The following WWOX variants were observed in gnomAD, a reference collection of about 807,000 sequenced individuals.
WWOX encodes WW domain-containing oxidoreductase.
In WWOX, 69 loss-of-function variants were observed where a neutral mutation model predicts 46.2. The ratio of observed to expected loss-of-function variants is 1.49; its 90% CI spans 1.23 to 1.82. The LOEUF is 1.82. WWOX is among the 40% of genes most tolerant of loss of function. WWOX has a pLI of 0.00. For synonymous variants in WWOX, 359 were observed against 202.6 expected (o/e 1.77, Z -6.56); for missense variants, 919 against 542.6 (o/e 1.69, Z -6.89).
rs183513024 is a variant in WWOX at position 78,187,610 on chromosome 16, G to A, written c.516+23321G>A. Among the ~76,000 whole-genome samples, 350 of 152,180 alleles carry A rather than the reference G, an allele frequency of 2.3e-3. 2 individuals are homozygous for A. Among genetic ancestry groups the A allele is most frequent in the Non-Finnish European group, 4.1e-3 (279 of 67,998 alleles). ...ACACAGAGTGAGACTCTGAGACTTC[G>A]AGACTCTGTCCCCAAAAAAAGACGC... is the stretch of plus-strand genomic sequence containing the variant. On this transcript the variant is annotated intron_variant, in intron 5 of 8. Coordinates refer to ENST00000566780, the MANE Select transcript of WWOX (RefSeq NM_016373.4).
At chr16:78,303,538 T>TGTTG (rs1345485530) in intron 5 of WWOX, among the ~76,000 whole-genome samples, 1 of 152,298 alleles carries the variant, frequency 6.6e-6, no homozygotes, top group East Asian at 1.9e-4. Flanking sequence ...TGTTTTTGTT[T>TGTTG]GTTGGTTGGT....
intron 8 of WWOX, among the ~76,000 whole-genome samples, chr16:78,522,257 A>C (rs1182925586): frequency 1.3e-5 from 2 of 152,114 alleles, no homozygotes; most frequent in East Asian, 1.9e-4. Context: ...TTGAAAAATA[A>C]GGGTTAGGAT....
rs180799910 is a variant in WWOX, at chr16:78,529,668, C to T, written c.1056+96916C>T. On this transcript the variant is annotated intron_variant, in intron 8 of 8. Transcript: ENST00000566780. ...ATTTTTAGTAGAGATGGGGTTTCAC[C>T]GTGTTAGGCAGGATGGTCTCGATCT... Among the ~76,000 whole-genome samples, 251 of 151,980 alleles carry T rather than the reference C, an allele frequency of 1.7e-3. 1 individual carries two copies. The highest frequency in any genetic ancestry group is 5.3e-3 in the African/African-American group (221 of 41,444).
chr16:78,299,078 C>A (rs1221969339), intron 5 of WWOX, among the ~76,000 whole-genome samples: 1 of 152,104 alleles, frequency 6.6e-6, no homozygotes, highest in African/African-American at 2.4e-5. Flanking sequence ...TATTCTGAGG[C>A]TAGGTTAAAT....
chr16:78,859,988 G>A (rs2052678148), intron 8 of WWOX, among the ~76,000 whole-genome samples: 1 of 152,108 alleles, frequency 6.6e-6, no homozygotes, highest in Non-Finnish European at 1.5e-5. Flanking sequence ...ATAGCAAATA[G>A]CTATAATGCC....
intron 8 of WWOX, among the ~76,000 whole-genome samples, chr16:78,514,714 C>T (rs1012685319): frequency 2.0e-5 from 3 of 152,202 alleles, no homozygotes; most frequent in African/African-American, 7.2e-5. Context: ...AGTTTAAAAA[C>T]AGTATGTACA....
chr16:78,425,018 C>T lies in WWOX; in HGVS notation c.754C>T (p.Pro252Ser). Residue 252 changes from proline to serine, a missense_variant, in exon 7 of 9, where the codon CCT becomes TCT. Transcript: ENST00000566780. The stretch of plus-strand genomic sequence containing the variant: ...CCAGGATGTTTTGTGCCGCTCAGCT[C>T]CTGCCCGTGTCATTGTGGTCTCCTC... ...LLQDVLCRSA[P>S]ARVIVVSSES... The T allele has an allele frequency of 6.2e-7, 1 of 1,614,018 alleles. No individual in the cohort carries two copies. The highest frequency in any genetic ancestry group is 2.2e-5 in the East Asian group (1 of 44,852).
intron 6 of WWOX, among the ~76,000 whole-genome samples, chr16:78,407,425 C>T (rs1169813550): frequency 1.3e-5 from 2 of 152,184 alleles, no homozygotes; most frequent in Non-Finnish European, 2.9e-5. Context: ...CCCCCAAAGC[C>T]ACAATTATCT....
chr16:78,420,161 C>T (rs1358986797), intron 6 of WWOX, among the ~76,000 whole-genome samples: 1 of 152,028 alleles, frequency 6.6e-6, no homozygotes, highest in Non-Finnish European at 1.5e-5. Flanking sequence ...AAATACAGTC[C>T]TGGCGGAAAT....
chr16:79,093,385 G>A (rs948611249), intron 8 of WWOX, among the ~76,000 whole-genome samples: 3 of 152,122 alleles, frequency 2.0e-5, no homozygotes, highest in African/African-American at 7.2e-5. Flanking sequence ...TTTCAATTAT[G>A]AGATCAAAAA....
At chr16:78,145,889 G>A (rs952965403) in intron 4 of WWOX, 7 of 152,154 alleles carry the variant, frequency 4.6e-5, no homozygotes, top group African/African-American at 1.2e-4. Context: ...GGGCTTCAGT[G>A]TATGAGTTTG....
At chr16:78,679,742 A>T (rs535186873) in intron 8 of WWOX, among the ~76,000 whole-genome samples, 22 of 152,224 alleles carry the variant, frequency 1.4e-4, no homozygotes, top group Admixed American at 2.6e-4. Context: ...ATTTAATAAC[A>T]TGAGAATAAT....
intron 8 of WWOX, among the ~76,000 whole-genome samples, chr16:78,922,065 A>G (rs1232286882): frequency 1.3e-5 from 2 of 152,176 alleles, no homozygotes; most frequent in Non-Finnish European, 2.9e-5. Flanking sequence ...TATGCATGGA[A>G]TATTGTCAGA....
chr16:78,288,752 C>A (rs2079811494), intron 5 of WWOX, among the ~76,000 whole-genome samples: 1 of 152,140 alleles, frequency 6.6e-6, no homozygotes, highest in Non-Finnish European at 1.5e-5. Flanking sequence ...GAACTAACCA[C>A]AATGGGTCAT....
intron 8 of WWOX, among the ~76,000 whole-genome samples, chr16:78,565,358 G>A (rs1284142918): frequency 6.6e-6 from 1 of 152,148 alleles, no homozygotes; most frequent in Admixed American, 6.5e-5. Flanking sequence ...AGGCTCTAGG[G>A]GAGAATCTGT....
intron 8 of WWOX, among the ~76,000 whole-genome samples, chr16:79,135,710 A>G (rs1019625883): frequency 1.3e-5 from 2 of 152,230 alleles, no homozygotes; most frequent in Non-Finnish European, 1.5e-5. Flanking sequence ...TAACACACAG[A>G]TGCTGATTTG....
intron 5 of WWOX, among the ~76,000 whole-genome samples, chr16:78,334,977 A>G (rs191255481): frequency 2.6e-5 from 4 of 151,762 alleles, no homozygotes; most frequent in Admixed American, 1.3e-4. Flanking sequence ...TATGAGATAC[A>G]CGAAGACAGA....
At chr16:78,979,579 T>G (rs1158966274) in intron 8 of WWOX, among the ~76,000 whole-genome samples, 2 of 152,088 alleles carry the variant, frequency 1.3e-5, no homozygotes, top group Non-Finnish European at 2.9e-5. Context: ...TCTACAGAGG[T>G]TCCACCCAGA....
At chr16:79,192,276 C>G (rs912965839) in intron 8 of WWOX, among the ~76,000 whole-genome samples, 4 of 152,024 alleles carry the variant, frequency 2.6e-5, no homozygotes, top group Non-Finnish European at 5.9e-5. Flanking sequence ...AGAAAGTGCC[C>G]CAAACAGCTG....
Sources: allele counts gnomAD v4.1 joint callset (sites outside exome capture counted in the v4.1 genomes callset), GRCh38; gene constraint gnomAD v4.1.1; transcripts MANE v1.5; gene names NCBI Gene and HGNC (gene_info 2026-07-23, HGNC 2026-07-21).